The following GSE1 variants were observed in gnomAD, a reference collection of about 807,000 sequenced individuals.
GSE1 encodes genetic suppressor element 1.
Under a neutral mutation model 112.6 loss-of-function variants are expected in GSE1, and 32 were observed. That is an observed-to-expected ratio of 0.28 (90% CI 0.21 to 0.38). The LOEUF is 0.38. Ranked by LOEUF, GSE1 falls within the 10% of genes least tolerant of loss-of-function variation. GSE1 has a pLI of 1.00. For missense variants in GSE1, 2,348 were observed against 1,699.2 expected (o/e 1.38, Z -6.71); for synonymous variants, 1,115 against 735.6 (o/e 1.52, Z -8.35).
chr16:85,415,625 C>G (rs535861050), intron 2 of GSE1, among the ~76,000 whole-genome samples: 3 of 152,242 alleles, frequency 2.0e-5, no homozygotes, highest in African/African-American at 7.2e-5. Flanking sequence ...ACCCCGTGAT[C>G]GGGATCTGCT....
rs532612689 is a variant in GSE1, at chr16:85,661,476, A to G, written c.1971A>G (p.Arg657=). ...ACCAGCCACCTCCGCCGCCACCACG[A>G]GAGGGAGGGAGCCTGGAGCACCAGC... ...DKYQPPPPPP[R]EGGSLEHQPF... Residue 657 remains arginine, a synonymous_variant, in exon 9 of 16, where the codon CGA becomes CGG. Coordinates refer to ENST00000253458, the MANE Select transcript of GSE1 (RefSeq NM_014615.5). The G allele has an allele frequency of 1.4e-5, 23 of 1,611,652 alleles. No homozygotes were observed. In the South Asian group the frequency reaches 2.3e-4, roughly 16 times the overall value.
At position 85,672,422 on chromosome 16, in the gene GSE1, A is replaced by G; in HGVS notation, c.3537A>G (p.Lys1179=). The change falls in exon 16 of 16, where the codon AAA becomes AAG. Residue 1179 remains lysine, a synonymous_variant. Transcript: ENST00000253458. ...CTCTCCAGGAGTTGAGGAGCCAGAA[A>G]CAGAAGATGGTCTCAGAAAGGGAGC... ...SHSVAELRSQ[K]QKMVSERERL... is the part of the protein sequence containing the mutation. 2 of 1,612,294 alleles carry G rather than the reference A, an allele frequency of 1.2e-6. No individual in the cohort carries two copies. The highest frequency in any genetic ancestry group is 1.7e-6 in the Non-Finnish European group (2 of 1,178,690).
At chr16:85,237,031 A>G (rs562703695) in intron 1 of GSE1, among the ~76,000 whole-genome samples, 1 of 152,382 alleles carries the variant, frequency 6.6e-6, no homozygotes, top group South Asian at 2.1e-4. Flanking sequence ...AGAGACTTCC[A>G]GAAAGAATAA....
chr16:85,450,215 G>A (rs1194114544), intron 2 of GSE1, among the ~76,000 whole-genome samples: 4 of 130,160 alleles, frequency 3.1e-5, no homozygotes, highest in African/African-American at 8.9e-5. Flanking sequence ...TCCACCTCCC[G>A]GGTTCAAGCA....
chr16:85,624,133 G>A (rs565446866), intron 1 of GSE1, among the ~76,000 whole-genome samples: 5 of 152,270 alleles, frequency 3.3e-5, no homozygotes, highest in Non-Finnish European at 4.4e-5. Flanking sequence ...CATGCCCCCC[G>A]GCCGCCACCC....
chr16:85,231,075 G>GGGAT (rs56002818), intron 1 of GSE1, among the ~76,000 whole-genome samples: 24,049 of 123,856 alleles, frequency 0.19, 3,507 homozygotes, highest in South Asian at 0.29. Flanking sequence ...GCTGGACAGA[G>GGGAT]GGATGGATGG....
chr16:85,639,031 G>T (rs561997560), intron 2 of GSE1, among the ~76,000 whole-genome samples: 2 of 152,310 alleles, frequency 1.3e-5, no homozygotes, highest in South Asian at 4.1e-4. Context: ...GAGGCTGCAG[G>T]TTTGGGCGTG....
At position 85,388,243 on chromosome 16, in the gene GSE1, G is replaced by A. The variant is rs201742669; in HGVS notation, c.2464+30600G>A. Among the ~76,000 whole-genome samples, 115 of 143,718 alleles carry A rather than the reference G, an allele frequency of 8.0e-4. 3 individuals carry two copies. In the East Asian group the frequency reaches 0.019, roughly 24 times the overall value. 94.3% of individuals were successfully genotyped at this position (143,718 alleles called of 152,430 possible). A position where few individuals can be genotyped will look rare whatever the true frequency, so the allele number is the denominator to read the frequency against. The stretch of plus-strand genomic sequence containing the variant: ...GGATACATACATGGGTGGATGGATG[G>A]ATGGATGAATGGATGTATGGCTGGA... On this transcript the variant is annotated intron_variant, in intron 2 of 2. Coordinates refer to the GSE1 transcript ENST00000637419.
intron 1 of GSE1, among the ~76,000 whole-genome samples, chr16:85,349,544 G>T (rs1169833651): frequency 1.3e-5 from 2 of 151,972 alleles, no homozygotes; most frequent in African/African-American, 4.8e-5. Context: ...CAGGGGCAGG[G>T]GCCTCTGGCC....
At chr16:85,171,935 C>A in intron 1 of GSE1, 1 of 467,596 alleles carries the variant, frequency 2.1e-6, no homozygotes, top group Non-Finnish European at 2.8e-6. Flanking sequence ...CGGGGTGTTC[C>A]GGGGGAGGTA....
At chr16:85,235,862 C>T (rs1477431714) in intron 1 of GSE1, among the ~76,000 whole-genome samples, 1 of 151,974 alleles carries the variant, frequency 6.6e-6, no homozygotes, top group African/African-American at 2.4e-5. Flanking sequence ...GTTCGCGATG[C>T]ACATCTGGCA....
chr16:85,271,541 A>T (rs1050525282), intron 1 of GSE1, among the ~76,000 whole-genome samples: 3 of 152,236 alleles, frequency 2.0e-5, no homozygotes, highest in African/African-American at 7.2e-5. Flanking sequence ...ATCATCTGCC[A>T]AAGTGCGGGA....
chr16:85,671,178 C>G, intron 15 of GSE1, 80 bp downstream of exon 15: 4 of 822,060 alleles, frequency 4.9e-6, no homozygotes, highest in Non-Finnish European at 8.2e-6. Flanking sequence ...AGATAAGTTT[C>G]AGAGAGGAAA....
At chr16:85,340,037 G>T (rs543063882) in intron 1 of GSE1, among the ~76,000 whole-genome samples, 1 of 152,356 alleles carries the variant, frequency 6.6e-6, no homozygotes, top group Non-Finnish European at 1.5e-5. Context: ...AGCTTAGACA[G>T]TGGGCTTTAG....
At chr16:85,478,833 CATTT>C (rs1430897304) in intron 2 of GSE1, among the ~76,000 whole-genome samples, 1 of 144,352 alleles carries the variant, frequency 6.9e-6, no homozygotes, top group African/African-American at 2.6e-5. Context: ...ATGCCCCGCT[CATTT>C]ATTTTCTTTC....
intron 2 of GSE1, among the ~76,000 whole-genome samples, chr16:85,496,882 C>T (rs2051197418): frequency 6.7e-6 from 1 of 149,280 alleles, no homozygotes; most frequent in South Asian, 2.1e-4. Flanking sequence ...CACGTGCCCC[C>T]TTTTGGTCTG....
At chr16:85,259,405 T>C (rs2144092612) in intron 1 of GSE1, among the ~76,000 whole-genome samples, 1 of 152,280 alleles carries the variant, frequency 6.6e-6, no homozygotes, top group East Asian at 1.9e-4. Context: ...GACTTGTTTT[T>C]TGTGTAAAGA....
At chr16:85,609,564 T>C (rs1598365083), upstream of GSE1, among the ~76,000 whole-genome samples, 1 of 152,176 alleles carries the variant, frequency 6.6e-6, no homozygotes, top group Non-Finnish European at 1.5e-5. Flanking sequence ...TGGATCCTCC[T>C]AGGACTCCCG....
Position 85,311,921 on chromosome 16 carries a change from G to T in GSE1, c.2284-45542G>T, listed in dbSNP as rs1307494520. On this transcript the variant is annotated intron_variant, in intron 1 of 2. Coordinates refer to the GSE1 transcript ENST00000637419. The surrounding 1 kb of genome is among the most constrained non-coding windows in gnomAD (Gnocchi z 4.2). Reference sequence around the variant, plus strand: ...GTCCCTGCCTTCCCGGGTTCCCTCCGCCGGCCCAGCACTGCCCAGCCCCAG... The same window carrying T: ...GTCCCTGCCTTCCCGGGTTCCCTCCTCCGGCCCAGCACTGCCCAGCCCCAG... Among the ~76,000 whole-genome samples the T allele has an allele frequency of 6.6e-6, 1 of 152,090 alleles. No homozygotes were observed.
Sources: gnomAD v4.1 joint callset for allele counts (sites outside exome capture counted in the v4.1 genomes callset) on GRCh38, gnomAD v4.1.1 for gene constraint, Gnocchi (gnomAD v3.1) non-coding constraint, MANE v1.5 for transcripts, NCBI Gene and HGNC (gene_info 2026-07-23, HGNC 2026-07-21) for gene names.